Variants in SLC4A7 observed in about 807,000 individuals in gnomAD.
The protein encoded by SLC4A7 is sodium bicarbonate cotransporter 3.
A neutral mutation model predicts 137.6 loss-of-function variants in SLC4A7; 51 were observed. The observed-to-expected ratio is 0.37, with a 90% CI of 0.30 to 0.47. SLC4A7 has a LOEUF of 0.47. Among genes scored for constraint, SLC4A7 ranks in the 20% least tolerant of loss-of-function variants. The probability of loss-of-function intolerance (pLI) is 1.00; values close to 1 mark genes in which losing one functional copy is unlikely to be tolerated. For missense variants in SLC4A7, 1,247 were observed against 1,525.4 expected, an observed-to-expected ratio of 0.82 and a Z score of 3.04; for synonymous variants, 542 against 518.6, an observed-to-expected ratio of 1.05 and a Z score of -0.61.
chr3:27,471,336 G>A (rs142092231), intron 1 of SLC4A7, among the ~76,000 whole-genome samples: 8 of 152,142 alleles, frequency 5.3e-5, no homozygotes, highest in Admixed American at 1.3e-4. Context: ...CAATAACTAC[G>A]TTAAAGCAGG....
At chr3:27,468,669 T>C (rs2059110332) in intron 1 of SLC4A7, among the ~76,000 whole-genome samples, 1 of 152,174 alleles carries the variant, frequency 6.6e-6, no homozygotes, top group South Asian at 2.1e-4. Context: ...CTGGGCAGAT[T>C]ACTTAGTCTC....
chr3:27,394,830 C>T (rs2051972432), intron 19 of SLC4A7, 61 bp from the exon 20 acceptor site: 1 of 1,570,386 alleles, frequency 6.4e-7, no homozygotes, highest in Non-Finnish European at 8.6e-7. Flanking sequence ...ATTTAAAATT[C>T]TACACGAATT....
intron 16 of SLC4A7, among the ~76,000 whole-genome samples, chr3:27,400,038 G>T (rs529690723): frequency 6.6e-6 from 1 of 152,258 alleles, no homozygotes; most frequent in South Asian, 2.1e-4. Flanking sequence ...ATGACCTACA[G>T]TTACTTATAT....
chr3:27,406,443 CA>C (rs765590860), intron 13 of SLC4A7, among the ~76,000 whole-genome samples: 4 of 152,094 alleles, frequency 2.6e-5, no homozygotes, highest in Non-Finnish European at 5.9e-5. Flanking sequence ...CAAAGATAAA[CA>C]AATTTATCTT....
chr3:27,475,326 T>C (rs2150729638), intron 1 of SLC4A7, among the ~76,000 whole-genome samples: 1 of 150,894 alleles, frequency 6.6e-6, no homozygotes, highest in East Asian at 1.9e-4. Context: ...GTATTCTACC[T>C]GATCCTAAGA....
At chr3:27,406,669 C>T (rs1375279671) in intron 13 of SLC4A7, among the ~76,000 whole-genome samples, 1 of 152,160 alleles carries the variant, frequency 6.6e-6, no homozygotes, top group Non-Finnish European at 1.5e-5. Flanking sequence ...TGGCTCACGC[C>T]TATAACACAA....
At chr3:27,467,247 TATTTA>T (rs554935895) in intron 1 of SLC4A7, among the ~76,000 whole-genome samples, 162 of 152,300 alleles carry the variant, frequency 1.1e-3, no homozygotes, top group Middle Eastern at 3.4e-3. Context: ...AGCTGATCAT[TATTTA>T]AATCAGGGGT....
At chr3:27,469,039 G>C (rs566974953) in intron 1 of SLC4A7, among the ~76,000 whole-genome samples, 1 of 151,862 alleles carries the variant, frequency 6.6e-6, no homozygotes, top group Non-Finnish European at 1.5e-5. Flanking sequence ...CCCAGGAAGC[G>C]GAGGTTGCAG....
chr3:27,481,933 C>T (rs1314328337), intron 1 of SLC4A7, among the ~76,000 whole-genome samples: 6 of 152,038 alleles, frequency 3.9e-5, no homozygotes, highest in African/African-American at 1.2e-4. Flanking sequence ...GTCAGGAGTT[C>T]GAGACCAGCC....
intron 1 of SLC4A7, among the ~76,000 whole-genome samples, chr3:27,461,232 ACAC>A (rs780779178): frequency 6.6e-6 from 1 of 151,368 alleles, no homozygotes; most frequent in African/African-American, 2.4e-5. Flanking sequence ...ACACACACAC[ACAC>A]AAAACACATT....
At chr3:27,447,089 T>A (rs1439299157) in intron 3 of SLC4A7, among the ~76,000 whole-genome samples, 1 of 150,714 alleles carries the variant, frequency 6.6e-6, no homozygotes, top group Non-Finnish European at 1.5e-5. Context: ...GGTTTCACCA[T>A]GTTGGCCAGG....
In SLC4A7 at chr3:27,483,284, C is replaced by T. The variant is rs190334702; in HGVS notation, c.60+783G>A. Among the ~76,000 whole-genome samples the T allele has an allele frequency of 1.5e-3, 235 of 152,358 alleles. 3 individuals are homozygous for T. Among genetic ancestry groups the T allele is most frequent in the East Asian group, 3.3e-3 (17 of 5,182 alleles). ...TGGGAACACCGGCCTTAAGTCCATCCCCATTCTCTTCTAACCCTGAAATCA... is the reference window on the plus strand; with the variant it reads ...TGGGAACACCGGCCTTAAGTCCATCTCCATTCTCTTCTAACCCTGAAATCA... On this transcript the variant is annotated intron_variant, in intron 1 of 25. Transcript: ENST00000454389.
At chr3:27,392,539 A>T (rs912186467) in intron 20 of SLC4A7, among the ~76,000 whole-genome samples, 1 of 152,174 alleles carries the variant, frequency 6.6e-6, no homozygotes, top group African/African-American at 2.4e-5. Context: ...TACGAAGCAG[A>T]CGTATTTTAA....
At chr3:27,421,522 G>C in intron 9 of SLC4A7, 100 bp downstream of exon 9, 1 of 922,136 alleles carries the variant, frequency 1.1e-6, no homozygotes, top group East Asian at 2.6e-5. Flanking sequence ...AATAAAATAA[G>C]CTTTTATTAC....
chr3:27,391,612 CAGTT>C, intron 21 of SLC4A7, 124 bp downstream of exon 21: 1 of 625,918 alleles, frequency 1.6e-6, no homozygotes, highest in Non-Finnish European at 2.9e-6. Flanking sequence ...CTGAAGTCAT[CAGTT>C]AGAAAACTAA....
intron 3 of SLC4A7, among the ~76,000 whole-genome samples, chr3:27,446,915 G>A (rs1423368971): frequency 3.9e-5 from 5 of 127,842 alleles, no homozygotes; most frequent in South Asian, 2.6e-4. Context: ...ACAGAGTCTC[G>A]CTCTGTCACC....
At chr3:27,456,837 T>G (rs898704983) in intron 1 of SLC4A7, 11 of 1,393,792 alleles carry the variant, frequency 7.9e-6, no homozygotes, top group Non-Finnish European at 1.0e-5. Flanking sequence ...CACTGTGTTC[T>G]AAGTTACCTA....
At chr3:27,439,085 A>T (rs999330787) in intron 3 of SLC4A7, among the ~76,000 whole-genome samples, 13 of 152,342 alleles carry the variant, frequency 8.5e-5, no homozygotes, top group African/African-American at 3.1e-4. Flanking sequence ...ATGAGTTCTC[A>T]CTCAAAATTT....
At position 27,436,428 on chromosome 3, in the gene SLC4A7, G is replaced by C; in HGVS notation, c.549C>G (p.Val183=). 6.2e-7 allele frequency: 1 copy of C among 1,613,646 alleles called. No individual in the cohort carries two copies. Among genetic ancestry groups the C allele is most frequent in the Admixed American group, 1.7e-5 (1 of 60,012 alleles). ...ELRSCILNGT[V]MLDMRASTLD... is the part of the protein sequence containing the mutation. Reference sequence around the variant, plus strand: ...GAGTGCTTGCTCTCATATCCAGCATGACTGTTCCATTGAGGATGCAACTCC... The same window carrying C: ...GAGTGCTTGCTCTCATATCCAGCATCACTGTTCCATTGAGGATGCAACTCC... Residue 183 remains valine (V), a synonymous_variant, in exon 5 of 26, where the codon GTC becomes GTG. Coordinates refer to ENST00000454389, the MANE Select transcript of SLC4A7 (RefSeq NM_001321103.2).
Sources: gnomAD v4.1 joint callset for allele counts (sites outside exome capture counted in the v4.1 genomes callset) on GRCh38, gnomAD v4.1.1 for gene constraint, MANE v1.5 for transcripts, NCBI Gene and HGNC (gene_info 2026-07-23, HGNC 2026-07-21) for gene names.